Variants in RBFOX1 observed in about 807,000 individuals in gnomAD.
RBFOX1 encodes the protein RNA binding protein fox-1 homolog 1.
Under a neutral mutation model 57.7 loss-of-function variants are expected in RBFOX1, and 8 were observed. That is an observed-to-expected ratio of 0.14 (90% CI 0.08 to 0.25). The LOEUF (loss-of-function observed/expected upper bound fraction) is 0.25. Ranked by LOEUF, RBFOX1 falls within the 10% of genes least tolerant of loss-of-function variation. The pLI is 1.00. For missense variants in RBFOX1, 611 were observed against 548.5 expected (o/e 1.11, Z -1.14); for synonymous variants, 326 against 222.4 (o/e 1.47, Z -4.15).
chr16:6,550,700 G>A (rs775405520), intron 2 of RBFOX1, among the ~76,000 whole-genome samples: 1 of 152,134 alleles, frequency 6.6e-6, no homozygotes, highest in Non-Finnish European at 1.5e-5. Context: ...TTCTTCTTCT[G>A]CATCCCCACT....
At chr16:6,802,002 A>C (rs1302987022) in intron 3 of RBFOX1, among the ~76,000 whole-genome samples, 1 of 151,990 alleles carries the variant, frequency 6.6e-6, no homozygotes, top group Non-Finnish European at 1.5e-5. Flanking sequence ...CTAATCATGG[A>C]GGTTGGGGGA....
At chr16:6,189,781 C>G (rs1435174105) in intron 1 of RBFOX1, among the ~76,000 whole-genome samples, 1 of 152,154 alleles carries the variant, frequency 6.6e-6, no homozygotes, top group Non-Finnish European at 1.5e-5. Flanking sequence ...AAAAATTATT[C>G]CATGGATATT....
chr16:5,718,106 G>C (rs1181141648), intron 3 of RBFOX1, among the ~76,000 whole-genome samples: 1 of 152,220 alleles, frequency 6.6e-6, no homozygotes, highest in Non-Finnish European at 1.5e-5. Flanking sequence ...CACACATAGG[G>C]CAAGCATTTC....
At chr16:7,444,391 A>G (rs1018588717) in intron 4 of RBFOX1, among the ~76,000 whole-genome samples, 5 of 152,204 alleles carry the variant, frequency 3.3e-5, no homozygotes, top group Admixed American at 6.5e-5. Flanking sequence ...TGGGGCTTCA[A>G]TGAGGGATGT....
At chr16:5,671,130 C>G (rs905591338) in intron 3 of RBFOX1, among the ~76,000 whole-genome samples, 2 of 152,248 alleles carry the variant, frequency 1.3e-5, no homozygotes, top group African/African-American at 2.4e-5. Flanking sequence ...ATCTTGCTCT[C>G]TTCTGTGGAT....
chr16:5,968,965 C>G (rs527970137), intron 4 of RBFOX1, among the ~76,000 whole-genome samples: 4 of 151,826 alleles, frequency 2.6e-5, no homozygotes, highest in Admixed American at 2.6e-4. Flanking sequence ...ATATTTTCTC[C>G]CTTTTCTCTT....
chr16:5,436,767 A>T (rs1033190594), intron 1 of RBFOX1, among the ~76,000 whole-genome samples: 3 of 152,078 alleles, frequency 2.0e-5, no homozygotes, highest in African/African-American at 7.2e-5. Context: ...GAACCCAGGA[A>T]GCGGAGGTTG....
chr16:5,316,708 C>G (rs2064248169), intron 1 of RBFOX1, among the ~76,000 whole-genome samples: 1 of 152,210 alleles, frequency 6.6e-6, no homozygotes, highest in Admixed American at 6.5e-5. Flanking sequence ...GTATTCTAAA[C>G]CATTGCATTA....
intron 1 of RBFOX1, among the ~76,000 whole-genome samples, chr16:5,278,390 T>C (rs1416181260): frequency 1.3e-5 from 2 of 152,228 alleles, no homozygotes; most frequent in Non-Finnish European, 2.9e-5. Flanking sequence ...TTTTTGCTTT[T>C]GTGGCGATTG....
chr16:6,655,070 A>G (rs550419232), intron 3 of RBFOX1, among the ~76,000 whole-genome samples: 37 of 151,946 alleles, frequency 2.4e-4, no homozygotes, highest in African/African-American at 8.9e-4. Flanking sequence ...TATCTGACTC[A>G]TACACTTGAA....
intron 11 of RBFOX1, among the ~76,000 whole-genome samples, chr16:7,643,544 G>C (rs1352396243): frequency 6.6e-6 from 1 of 152,150 alleles, no homozygotes; most frequent in Non-Finnish European, 1.5e-5. Flanking sequence ...TTAGTTGTAA[G>C]GAGCTCATCA....
At chr16:5,394,396 A>T (rs563840832) in intron 1 of RBFOX1, among the ~76,000 whole-genome samples, 8 of 151,612 alleles carry the variant, frequency 5.3e-5, no homozygotes, top group Admixed American at 1.3e-4. Flanking sequence ...CCTTTTTTTG[A>T]TTTTCTGATC....
At chr16:5,610,272 A>G (rs1057351121) in intron 3 of RBFOX1, 4 of 152,230 alleles carry the variant, frequency 2.6e-5, no homozygotes, top group Non-Finnish European at 5.9e-5. Flanking sequence ...TTGAAAGACT[A>G]GTGAGCAGCT....
chr16:6,193,422 AT>A (rs2097159792), intron 1 of RBFOX1, among the ~76,000 whole-genome samples: 2 of 97,218 alleles, frequency 2.1e-5, no homozygotes, highest in African/African-American at 6.1e-5. Context: ...ATATATATAT[AT>A]ATAAAATTCA....
At chr16:6,969,024 C>A (rs1006758200) in intron 3 of RBFOX1, among the ~76,000 whole-genome samples, 1 of 152,074 alleles carries the variant, frequency 6.6e-6, no homozygotes, top group Admixed American at 6.6e-5. Context: ...GAATCTCCCA[C>A]TTTTTTTCTC....
Position 6,904,368 on chromosome 16 carries a change from A to G in RBFOX1, c.-15-147689A>G, listed in dbSNP as rs372280327. On this transcript the variant is annotated intron_variant, in intron 3 of 15. Coordinates refer to ENST00000550418, the MANE Select transcript of RBFOX1 (RefSeq NM_018723.4). ...GTAATCCCAGCACCTTGGAAGGCCC[A>G]GGTGGGAGGATAAGTTGAGGTCAGG... Among the ~76,000 whole-genome samples the G allele has an allele frequency of 2.0e-5, 3 of 152,106 alleles. No homozygotes were observed. In the East Asian group the frequency reaches 5.8e-4, roughly 30 times the overall value.
intron 4 of RBFOX1, among the ~76,000 whole-genome samples, chr16:7,456,904 T>C (rs1326147633): frequency 6.6e-6 from 1 of 152,120 alleles, no homozygotes; most frequent in East Asian, 1.9e-4. Flanking sequence ...TTTCTTTTTT[T>C]TTTTGAAACG....
intron 1 of RBFOX1, among the ~76,000 whole-genome samples, chr16:5,405,932 G>A (rs1009678033): frequency 2.6e-4 from 39 of 152,148 alleles, no homozygotes; most frequent in Admixed American, 2.2e-3. Context: ...TAGGGAGAAC[G>A]CTCTGGGGAA....
intron 2 of RBFOX1, among the ~76,000 whole-genome samples, chr16:6,395,794 G>A (rs1334236157): frequency 1.3e-5 from 2 of 152,108 alleles, no homozygotes; most frequent in Non-Finnish European, 2.9e-5. Flanking sequence ...GCCTTGCACA[G>A]TAGCTCACGC....
Sources: allele counts gnomAD v4.1 joint callset (sites outside exome capture counted in the v4.1 genomes callset), GRCh38; gene constraint gnomAD v4.1.1; transcripts MANE v1.5; gene names NCBI Gene and HGNC (gene_info 2026-07-23, HGNC 2026-07-21).